Variants in SIL1 observed in about 807,000 individuals in gnomAD.
SIL1 encodes the protein nucleotide exchange factor SIL1.
SIL1 carries 40 observed loss-of-function variants against 49.1 expected under a neutral mutation model. That is an observed-to-expected ratio of 0.81 (90% confidence interval 0.63 to 1.06). The LOEUF is 1.06. Among genes scored for constraint, SIL1 ranks in the 50% least tolerant of loss-of-function variants. The pLI, the probability that SIL1 is intolerant of heterozygous loss-of-function variation, is 0.00. For missense variants in SIL1, 500 were observed against 572.6 expected (o/e 0.87, Z 1.29); for synonymous variants, 253 against 250.8 (o/e 1.01, Z -0.08).
chr5:139,033,164 T>G (rs1406525195), intron 5 of SIL1, among the ~76,000 whole-genome samples: 1 of 152,064 alleles, frequency 6.6e-6, no homozygotes, highest in Non-Finnish European at 1.5e-5. Context: ...TGGCTCATTT[T>G]TTTTACTTTT....
chr5:138,953,066 T>C (rs1417236634), intron 7 of SIL1, among the ~76,000 whole-genome samples: 1 of 152,236 alleles, frequency 6.6e-6, no homozygotes, highest in Non-Finnish European at 1.5e-5. Flanking sequence ...AGCAGTCAGA[T>C]GGTGGCTGTC....
At chr5:139,176,927 C>CTTTTTT (rs70982757) in intron 1 of SIL1, among the ~76,000 whole-genome samples, 11 of 95,786 alleles carry the variant, frequency 1.1e-4, no homozygotes, top group Non-Finnish European at 1.4e-4. Context: ...AGCTGAGATT[C>CTTTTTT]TTTTTTTTTT....
chr5:139,166,804 C>G (rs1446995605), intron 1 of SIL1, among the ~76,000 whole-genome samples: 1 of 151,580 alleles, frequency 6.6e-6, no homozygotes, highest in Non-Finnish European at 1.5e-5. Flanking sequence ...ACCAGCACAC[C>G]TGGCAATGTT....
intron 7 of SIL1, among the ~76,000 whole-genome samples, chr5:139,007,050 C>T (rs1376323083): frequency 8.2e-6 from 1 of 121,780 alleles, no homozygotes; most frequent in Non-Finnish European, 1.7e-5. Context: ...TTACCTTGGG[C>T]AGTATGGCCA....
chr5:139,088,440 T>A (rs1233854639), intron 3 of SIL1, among the ~76,000 whole-genome samples: 1 of 152,244 alleles, frequency 6.6e-6, no homozygotes, highest in Non-Finnish European at 1.5e-5. Flanking sequence ...AGAGTGTAAC[T>A]TCTGATGCCA....
At chr5:139,078,407 G>T (rs1328367084) in intron 3 of SIL1, among the ~76,000 whole-genome samples, 1 of 151,996 alleles carries the variant, frequency 6.6e-6, no homozygotes, top group Non-Finnish European at 1.5e-5. Context: ...TTAATTTCTG[G>T]AATCATCTCT....
Position 138,954,134 on chromosome 5 carries a change from C to T in SIL1, c.768-2250G>A, listed in dbSNP as rs571719031. Among the ~76,000 whole-genome samples the T allele has an allele frequency of 6.6e-5, 10 of 152,326 alleles. No homozygotes were observed. In the South Asian group the frequency reaches 1.2e-3, roughly 19 times the overall value. ...ACAGCCAAGCCAGCAGCAGCCCAGT[C>T]CCACCCACTCTGTCCCCCTCAGGCA... On this transcript the variant is annotated intron_variant, in intron 7 of 9. Coordinates refer to ENST00000394817, the MANE Select transcript of SIL1 (RefSeq NM_022464.5).
chr5:139,196,100 G>A (rs1266384220), intron 1 of SIL1, among the ~76,000 whole-genome samples: 2 of 152,128 alleles, frequency 1.3e-5, no homozygotes, highest in East Asian at 1.9e-4. Context: ...TTTAGTGAGA[G>A]TATTACTTAA....
At chr5:138,951,561 G>A (rs1165548546) in intron 8 of SIL1, among the ~76,000 whole-genome samples, 4 of 152,256 alleles carry the variant, frequency 2.6e-5, no homozygotes, top group Non-Finnish European at 2.9e-5. Context: ...AAGGGTGGGA[G>A]GCCAGGAGTA....
intron 5 of SIL1, among the ~76,000 whole-genome samples, chr5:139,033,476 A>T (rs1179019098): frequency 1.3e-5 from 2 of 151,478 alleles, no homozygotes; most frequent in Non-Finnish European, 2.9e-5. Flanking sequence ...TAGGTATGAG[A>T]CCTTACTTCT....
intron 7 of SIL1, among the ~76,000 whole-genome samples, chr5:139,018,602 A>C (rs1412222795): frequency 6.6e-6 from 1 of 151,876 alleles, no homozygotes; most frequent in Non-Finnish European, 1.5e-5. Flanking sequence ...AAAAAAAAAA[A>C]AAAAAAAAGG....
Position 139,007,166 on chromosome 5 carries a change from G to C in SIL1, c.767+14005C>G, listed in dbSNP as rs775468123. 2.0e-3 allele frequency among the ~76,000 whole-genome samples: 297 copies of C among 146,154 alleles called. 2 individuals are homozygous for C. Among genetic ancestry groups the C allele is most frequent in the Non-Finnish European group, 3.2e-3 (216 of 66,762 alleles). On this transcript the variant is annotated intron_variant, in intron 7 of 9. Coordinates refer to ENST00000394817, the MANE Select transcript of SIL1 (RefSeq NM_022464.5). The stretch of plus-strand genomic sequence containing the variant: ...AGTGTTTTGTAGTTCTCCTTGAAGA[G>C]GTCCTTCACATCCCTTGTAAGTTGG...
intron 3 of SIL1, among the ~76,000 whole-genome samples, chr5:139,119,753 C>T (rs1411408881): frequency 2.0e-5 from 3 of 151,986 alleles, no homozygotes; most frequent in African/African-American, 7.2e-5. Context: ...AGAGCAAGAC[C>T]CTGTCTCAAA....
intron 3 of SIL1, among the ~76,000 whole-genome samples, chr5:139,095,751 C>G (rs1057330909): frequency 2.0e-5 from 3 of 152,032 alleles, no homozygotes; most frequent in African/African-American, 7.3e-5. Context: ...CTGGTGGAGC[C>G]AGGGAGGTCA....
intron 1 of SIL1, among the ~76,000 whole-genome samples, chr5:139,171,225 C>A (rs1324236314): frequency 3.0e-4 from 45 of 152,248 alleles, no homozygotes; most frequent in South Asian, 2.3e-3. Context: ...TGAGAACGGG[C>A]CGGGATGACA....
chr5:138,950,974 T>C (rs1766758019), intron 9 of SIL1, among the ~76,000 whole-genome samples, 197 bp downstream of exon 9: 1 of 152,192 alleles, frequency 6.6e-6, no homozygotes, highest in Non-Finnish European at 1.5e-5. Flanking sequence ...GCCCTCAGGT[T>C]TCAGCTTAGC....
intron 3 of SIL1, among the ~76,000 whole-genome samples, chr5:139,074,203 T>C (rs1011769795): frequency 5.9e-5 from 9 of 152,076 alleles, no homozygotes; most frequent in African/African-American, 1.9e-4. Context: ...ACTACAAGCA[T>C]GCATCACCAC....
chr5:139,043,372 C>T (rs960371447), intron 4 of SIL1, among the ~76,000 whole-genome samples: 1 of 152,138 alleles, frequency 6.6e-6, no homozygotes, highest in African/African-American at 2.4e-5. Context: ...AGCATGCACC[C>T]TTATCTATTA....
At chr5:139,014,577 A>C (rs1768359721) in intron 7 of SIL1, among the ~76,000 whole-genome samples, 2 of 152,230 alleles carry the variant, frequency 1.3e-5, no homozygotes, top group African/African-American at 4.8e-5. Flanking sequence ...TGCTGAAGGG[A>C]CAAGTTTATT....
Sources: gnomAD v4.1 joint callset for allele counts (sites outside exome capture counted in the v4.1 genomes callset) on GRCh38, gnomAD v4.1.1 for gene constraint, MANE v1.5 for transcripts, NCBI Gene and HGNC (gene_info 2026-07-23, HGNC 2026-07-21) for gene names.